The following PRR23B variants were observed in gnomAD, a reference collection of about 807,000 sequenced individuals.
The protein encoded by PRR23B is proline-rich protein 23B.
For synonymous variants in PRR23B, 157 were observed against 168.0 expected, an observed-to-expected ratio of 0.93 and a Z score of 0.51; for missense variants, 375 against 371.7, an observed-to-expected ratio of 1.01 and a Z score of -0.07.
At position 139,019,743 on chromosome 3, in the gene PRR23B, T is replaced by C. The variant is rs1304824997; in HGVS notation, c.*121A>G. 1 of 975,162 alleles carries C rather than the reference T, an allele frequency of 1.0e-6. No homozygotes were observed. 60.4% of individuals were successfully genotyped at this position (975,162 alleles called of 1,614,324 possible). On this transcript the variant is annotated 3_prime_UTR_variant, in exon 1 of 1. Transcript: ENST00000329447. Reference sequence around the variant, plus strand: ...CGGTAGTGTGCAGCGAAAAAGCAATTGTCCGAACACGCGGTGCCCAATTTC... The same window carrying C: ...CGGTAGTGTGCAGCGAAAAAGCAATCGTCCGAACACGCGGTGCCCAATTTC...
Position 139,020,460 on chromosome 3 carries a change from C to A in PRR23B, c.202G>T (p.Ala68Ser). 6.2e-7 allele frequency: 1 copy of A among 1,610,876 alleles called. No homozygotes were observed. The highest frequency in any genetic ancestry group is 2.2e-5 in the East Asian group (1 of 44,786). ...ACGTCGTCCAGGGGCACACGCAGGG[C>A]ACAGCCCGCGGCCAGGACCACTATG... ...TSIVVLAAGC[A>S]LRVPLDDVDL... The change falls in exon 1 of 1, where the codon GCC (alanine) becomes TCC (serine). Residue 68 changes from alanine to serine, a missense_variant. Coordinates refer to ENST00000329447, the MANE Select transcript of PRR23B (RefSeq NM_001013650.2).
Position 139,020,116 on chromosome 3 carries a change from A to G in PRR23B, c.546T>C (p.Ser182=), listed in dbSNP as rs118171540. Residue 182 remains serine, a synonymous_variant, in exon 1 of 1, where the codon TCT becomes TCC. Transcript: ENST00000329447. The part of the protein sequence containing the change: ...TGSAAGLYPS[S]RSMFIPYREG... ...CCCGGTAGGGGATGAACATACTTCT[A>G]GAGGAGGGGTAGAGCCCAGCGGCTG... The G allele has an allele frequency of 2.3e-3, 3,731 of 1,613,908 alleles. 72 individuals carry two copies. In the East Asian group the frequency reaches 0.054, roughly 23 times the overall value.
At position 139,019,761 on chromosome 3, in the gene PRR23B, C is replaced by G; in HGVS notation, c.*103G>C. On this transcript the variant is annotated 3_prime_UTR_variant, in exon 1 of 1. Coordinates refer to ENST00000329447, the MANE Select transcript of PRR23B (RefSeq NM_001013650.2). ...AAGCAATTGTCCGAACACGCGGTGCCCAATTTCCAGGTTGTTGGATACTCA... is the reference window on the plus strand; with the variant it reads ...AAGCAATTGTCCGAACACGCGGTGCGCAATTTCCAGGTTGTTGGATACTCA... 8.1e-7 allele frequency: 1 copy of G among 1,227,506 alleles called. No individual in the cohort carries two copies. The highest frequency in any genetic ancestry group is 1.1e-6 in the Non-Finnish European group (1 of 887,202). The allele number at this position is 1,227,506 out of a possible 1,614,324, so 76.0% of individuals were successfully genotyped here.
At position 139,020,171 on chromosome 3, in the gene PRR23B, G is replaced by A. The variant is rs1936932351; in HGVS notation, c.491C>T (p.Pro164Leu). 2 of 1,613,934 alleles carry A rather than the reference G, an allele frequency of 1.2e-6. No homozygotes were observed. The highest frequency in any genetic ancestry group is 1.3e-5 in the African/African-American group (1 of 74,906). The change falls in exon 1 of 1, where the codon CCG (proline) becomes CTG (leucine). Residue 164 changes from proline (P) to leucine (L), a missense_variant. Physicochemically the swap from Pro to Leu is moderately conservative, Grantham distance 98. Transcript: ENST00000329447. ...AYEEDADPEF[P>L]ELRMDSPTGS... ...GGTTGGGGAGTCCATCCGGAGCTCC[G>A]GGAACTCGGGGTCCGCGTCCTCCTC...
rs1936936183 is a variant in PRR23B at position 139,020,412 on chromosome 3, G to A, written c.250C>T (p.Pro84Ser). 1 of 1,613,682 alleles carries A rather than the reference G, an allele frequency of 6.2e-7. No individual in the cohort carries two copies. The highest frequency in any genetic ancestry group is 1.3e-5 in the African/African-American group (1 of 74,874). Residue 84 changes from proline to serine, a missense_variant, in exon 1 of 1, where the codon CCA becomes TCA. By Grantham distance (74) the Pro-to-Ser change is moderately conservative. Transcript: ENST00000329447. Reference sequence around the variant, plus strand: ...AGAGACACTCGCAGGATCGACGTTGGTGCGGGCTCCAGCACCAGGTCGACG... The same window carrying A: ...AGAGACACTCGCAGGATCGACGTTGATGCGGGCTCCAGCACCAGGTCGACG... ...DDVDLVLEPAPTSILRVSLGG... is the reference protein window; with the variant it reads ...DDVDLVLEPASTSILRVSLGG...
rs1287584916 is a variant in PRR23B, at chr3:139,019,184, A to G, written c.*680T>C. On this transcript the variant is annotated 3_prime_UTR_variant, in exon 1 of 1. Transcript: ENST00000329447. Reference sequence around the variant, plus strand: ...AAATAATGTGGAATAGCAGGAATGCAAACACTTTCCATTGGGTGAAATCAC... The same window carrying G: ...AAATAATGTGGAATAGCAGGAATGCGAACACTTTCCATTGGGTGAAATCAC... 1 of 152,228 alleles carries G rather than the reference A, an allele frequency of 6.6e-6. No individual in the cohort carries two copies. 9.4% of individuals were successfully genotyped at this position (152,228 alleles called of 1,614,324 possible).
In PRR23B at chr3:139,020,751, C is replaced by T; in HGVS notation, c.-90G>A. The T allele has an allele frequency of 7.2e-7, 1 of 1,392,682 alleles. No homozygotes were observed. The highest frequency in any genetic ancestry group is 9.4e-7 in the Non-Finnish European group (1 of 1,067,088). 86.3% of individuals were successfully genotyped at this position (1,392,682 alleles called of 1,614,324 possible). On this transcript the variant is annotated 5_prime_UTR_variant, in exon 1 of 1. Coordinates refer to ENST00000329447, the MANE Select transcript of PRR23B (RefSeq NM_001013650.2). Reference sequence around the variant, plus strand: ...AAGTCCTCTTTGAAGTAACAGATGTCGGTGGTAGGGGAGGCTGGTTGGGAC... The same window carrying T: ...AAGTCCTCTTTGAAGTAACAGATGTTGGTGGTAGGGGAGGCTGGTTGGGAC...
chr3:139,020,871 G>C lies in PRR23B; in HGVS notation c.-210C>G, dbSNP rs1936945638. 1.6e-6 allele frequency: 1 copy of C among 613,036 alleles called. No homozygotes were observed. The highest frequency in any genetic ancestry group is 2.7e-6 in the Non-Finnish European group (1 of 368,122). 38.0% of individuals were successfully genotyped at this position (613,036 alleles called of 1,614,324 possible). A position where few individuals can be genotyped will look rare whatever the true frequency, so the allele number is the denominator to read the frequency against. ...TAGTCTGGGCTGCTGGTGGTGCCTC[G>C]CCGGCCACCGGGCTCAGCTTAGCTC... On this transcript the variant is annotated 5_prime_UTR_variant, in exon 1 of 1. Transcript: ENST00000329447.
In PRR23B at chr3:139,019,320, A is replaced by C. The variant is rs1936920539; in HGVS notation, c.*544T>G. On this transcript the variant is annotated 3_prime_UTR_variant, in exon 1 of 1. Transcript: ENST00000329447. ...TAGAAGACTAGAAGAAAACTTCAGCAGGATAAGGGGTTCCTAGGAAGAAGC... is the reference window on the plus strand; with the variant it reads ...TAGAAGACTAGAAGAAAACTTCAGCCGGATAAGGGGTTCCTAGGAAGAAGC... 6.6e-6 allele frequency: 1 copy of C among 152,292 alleles called. No homozygotes were observed. 9.4% of individuals were successfully genotyped at this position (152,292 alleles called of 1,614,324 possible).
Position 139,019,853 on chromosome 3 carries a change from G to A in PRR23B, c.*11C>T. 1 of 1,569,026 alleles carries A rather than the reference G, an allele frequency of 6.4e-7. No individual in the cohort carries two copies. Among genetic ancestry groups the A allele is most frequent in the Non-Finnish European group, 8.6e-7 (1 of 1,161,752 alleles). On this transcript the variant is annotated 3_prime_UTR_variant, in exon 1 of 1. Transcript: ENST00000329447. ...CGGCCAGGATTGTTGTGTGTACGTG[G>A]GGGTGGGGGTCTATGCCTGGAACAG...
In PRR23B at chr3:139,019,685, C is replaced by A; in HGVS notation, c.*179G>T. 1.6e-6 allele frequency: 1 copy of A among 609,282 alleles called. No homozygotes were observed. Among genetic ancestry groups the A allele is most frequent in the South Asian group, 2.4e-5 (1 of 41,924 alleles). 37.7% of individuals were successfully genotyped at this position (609,282 alleles called of 1,614,324 possible). ...ATTTAAAGATGAGGTCTAGAATATA[C>A]CTTTTCTTGCTGACGTCTTCATCTC... On this transcript the variant is annotated 3_prime_UTR_variant, in exon 1 of 1. Coordinates refer to ENST00000329447, the MANE Select transcript of PRR23B (RefSeq NM_001013650.2).
chr3:139,019,723 G>A lies in PRR23B; in HGVS notation c.*141C>T, dbSNP rs1936924943. ...ACGTCTTCATCTCCTACTATCGGTA[G>A]TGTGCAGCGAAAAAGCAATTGTCCG... On this transcript the variant is annotated 3_prime_UTR_variant, in exon 1 of 1. Transcript: ENST00000329447. 4.1e-6 allele frequency: 3 copies of A among 739,618 alleles called. No homozygotes were observed. The highest frequency in any genetic ancestry group is 3.0e-5 in the Admixed American group (1 of 32,858). 45.8% of individuals were successfully genotyped at this position (739,618 alleles called of 1,614,324 possible). A position where few individuals can be genotyped will look rare whatever the true frequency, so the allele number is the denominator to read the frequency against.
rs756938991 is a variant in PRR23B, at chr3:139,020,138, G to A, written c.524C>T (p.Ala175Val). Residue 175 changes from alanine to valine, a missense_variant, in exon 1 of 1, where the codon GCC becomes GTC. Transcript: ENST00000329447. ...ELRMDSPTGS[A>V]AGLYPSSRSM... ...TCTAGAGGAGGGGTAGAGCCCAGCGGCTGAGCCGGTTGGGGAGTCCATCCG... is the reference window on the plus strand; with the variant it reads ...TCTAGAGGAGGGGTAGAGCCCAGCGACTGAGCCGGTTGGGGAGTCCATCCG... 3.1e-6 allele frequency: 5 copies of A among 1,614,020 alleles called. No individual in the cohort carries two copies. In the African/African-American group the frequency reaches 6.7e-5, roughly 22 times the overall value.
Position 139,020,075 on chromosome 3 carries a change from T to C in PRR23B, c.587A>G (p.Glu196Gly), listed in dbSNP as rs1480304547. ...FIPYREGPIP[E>G]PCALAPNPSS... Reference sequence around the variant, plus strand: ...GGGGTTGGGGGCCAGAGCACAGGGTTCTGGGATGGGGCCCTCCCGGTAGGG... The same window carrying C: ...GGGGTTGGGGGCCAGAGCACAGGGTCCTGGGATGGGGCCCTCCCGGTAGGG... Residue 196 changes from glutamate to glycine, a missense_variant, in exon 1 of 1, where the codon GAA becomes GGA. Glu to Gly is a moderately conservative substitution (Grantham distance 98, BLOSUM62 -2). Transcript: ENST00000329447. 6 of 1,613,740 alleles carry C rather than the reference T, an allele frequency of 3.7e-6. No homozygotes were observed. The highest frequency in any genetic ancestry group is 5.1e-6 in the Non-Finnish European group (6 of 1,179,930).
chr3:139,019,915 C>G lies in PRR23B; in HGVS notation c.747G>C (p.Pro249=), dbSNP rs995288668. The G allele has an allele frequency of 1.9e-6, 3 of 1,605,338 alleles. No homozygotes were observed. Among genetic ancestry groups the G allele is most frequent in the Non-Finnish European group, 1.7e-6 (2 of 1,176,414 alleles). ...VGSPGPHARS[P]LPERPPCKAR... The stretch of plus-strand genomic sequence containing the variant: ...CCTTGCACGGAGGGCGTTCCGGGAG[C>G]GGCGAGCGCGCGTGGGGACCTGGAC... The change falls in exon 1 of 1, where the codon CCG becomes CCC. Residue 249 remains proline, a synonymous_variant. Coordinates refer to ENST00000329447, the MANE Select transcript of PRR23B (RefSeq NM_001013650.2).
chr3:139,019,862 G>T lies in PRR23B; in HGVS notation c.*2C>A. The T allele has an allele frequency of 6.3e-7, 1 of 1,581,970 alleles. No individual in the cohort carries two copies. Among genetic ancestry groups the T allele is most frequent in the Non-Finnish European group, 8.6e-7 (1 of 1,166,942 alleles). ...TTGTTGTGTGTACGTGGGGGTGGGG[G>T]TCTATGCCTGGAACAGGCGTCTCCG... On this transcript the variant is annotated 3_prime_UTR_variant, in exon 1 of 1. Coordinates refer to ENST00000329447, the MANE Select transcript of PRR23B (RefSeq NM_001013650.2).
Position 139,020,103 on chromosome 3 carries a change from T to C in PRR23B, c.559A>G (p.Ile187Val), listed in dbSNP as rs748538469. Residue 187 changes from isoleucine to valine, a missense_variant, in exon 1 of 1, where the codon ATC (isoleucine) becomes GTC (valine). Physicochemically the swap from Ile to Val is conservative, Grantham distance 29 (BLOSUM62 3). Transcript: ENST00000329447. ...GGGATGGGGCCCTCCCGGTAGGGGA[T>C]GAACATACTTCTAGAGGAGGGGTAG... ...GLYPSSRSMF[I>V]PYREGPIPEP... 6.2e-7 allele frequency: 1 copy of C among 1,613,938 alleles called. No homozygotes were observed. The highest frequency in any genetic ancestry group is 1.1e-5 in the South Asian group (1 of 91,048).
rs1936929053 is a variant in PRR23B, at chr3:139,020,010, C to G, written c.652G>C (p.Glu218Gln). ...GGGACAGGCTCCAGAAGGCGGAATTCCAGGTCAAAGATGGGGCGTGGAGAA... is the reference window on the plus strand; with the variant it reads ...GGGACAGGCTCCAGAAGGCGGAATTGCAGGTCAAAGATGGGGCGTGGAGAA... ...RRSPRPIFDLEFRLLEPVPSS... is the reference protein window; with the variant it reads ...RRSPRPIFDLQFRLLEPVPSS... Residue 218 changes from glutamate to glutamine, a missense_variant, in exon 1 of 1, where the codon GAA becomes CAA. Physicochemically the swap from Glu to Gln is conservative, Grantham distance 29. Coordinates refer to ENST00000329447, the MANE Select transcript of PRR23B (RefSeq NM_001013650.2). The G allele has an allele frequency of 6.2e-7, 1 of 1,613,968 alleles. No individual in the cohort carries two copies. The highest frequency in any genetic ancestry group is 1.3e-5 in the African/African-American group (1 of 74,902).
rs754256495 is a variant in PRR23B, at chr3:139,019,818, T to C, written c.*46A>G. 1 of 1,516,812 alleles carries C rather than the reference T, an allele frequency of 6.6e-7. No homozygotes were observed. Among genetic ancestry groups the C allele is most frequent in the Non-Finnish European group, 8.8e-7 (1 of 1,132,186 alleles). The allele number at this position is 1,516,812 out of a possible 1,614,324, so 94.0% of individuals were successfully genotyped here. A position where few individuals can be genotyped will look rare whatever the true frequency, so the allele number is the denominator to read the frequency against. ...GAGATTCCCGCAATCCTAGAGGGCC[T>C]CCAGCAGAGCGGCCAGGATTGTTGT... On this transcript the variant is annotated 3_prime_UTR_variant, in exon 1 of 1. Transcript: ENST00000329447.
Sources: gnomAD v4.1 joint callset for allele counts on GRCh38, gnomAD v4.1.1 for gene constraint, MANE v1.5 for transcripts, NCBI Gene and HGNC (gene_info 2026-07-23, HGNC 2026-07-21) for gene names.